The following SCEL variants were observed in gnomAD, a reference collection of about 807,000 sequenced individuals.
SCEL encodes the protein sciellin.
A neutral mutation model predicts 117.6 loss-of-function variants in SCEL; 113 were observed. The ratio of observed to expected loss-of-function variants is 0.96; its 90% CI spans 0.83 to 1.12. The LOEUF (loss-of-function observed/expected upper bound fraction) is 1.12. SCEL is among the 50% of genes most tolerant of loss of function. The pLI is 0.00. For synonymous variants in SCEL, 270 were observed against 256.2 expected (o/e 1.05, Z -0.51); for missense variants, 785 against 810.8 (o/e 0.97, Z 0.39).
At chr13:77,622,397 C>G (rs995750850) in intron 27 of SCEL, among the ~76,000 whole-genome samples, 1 of 152,090 alleles carries the variant, frequency 6.6e-6, no homozygotes, top group Non-Finnish European at 1.5e-5. Context: ...TCCTGGGTCC[C>G]CAGAATCTCT....
Position 77,568,281 on chromosome 13 carries a change from T to C in SCEL, c.360-14T>C. 1 of 1,542,640 alleles carries C rather than the reference T, an allele frequency of 6.5e-7. No individual in the cohort carries two copies. Among genetic ancestry groups the C allele is most frequent in the Non-Finnish European group, 8.9e-7 (1 of 1,125,140 alleles). On this transcript the variant is annotated splice_polypyrimidine_tract_variant and intron_variant, in intron 6 of 32. Coordinates refer to ENST00000349847, the MANE Select transcript of SCEL (RefSeq NM_144777.3). ...CTTCATTGTTCAAACTTTGCTTTCT[T>C]TCTCTCTTACCAGGAGCATGTCCAT...
At chr13:77,573,788 T>C (rs1196081475) in intron 9 of SCEL, among the ~76,000 whole-genome samples, 1 of 152,190 alleles carries the variant, frequency 6.6e-6, no homozygotes, top group Non-Finnish European at 1.5e-5. Flanking sequence ...CACATTTACC[T>C]ACTGCTACAA....
chr13:77,567,390 G>C (rs1266574701), intron 5 of SCEL, among the ~76,000 whole-genome samples: 1 of 152,186 alleles, frequency 6.6e-6, no homozygotes, highest in Non-Finnish European at 1.5e-5. Context: ...GCGGGCAGAG[G>C]TTGCAGTGAG....
intron 28 of SCEL, among the ~76,000 whole-genome samples, chr13:77,628,964 T>G (rs554674751): frequency 6.6e-6 from 1 of 152,328 alleles, no homozygotes; most frequent in South Asian, 2.1e-4. Context: ...TGTACTATTT[T>G]GGGAATAGGA....
intron 4 of SCEL, among the ~76,000 whole-genome samples, chr13:77,562,354 G>A (rs1401139569): frequency 6.6e-6 from 1 of 152,168 alleles, no homozygotes; most frequent in African/African-American, 2.4e-5. Flanking sequence ...ACACGATGGT[G>A]AACCACACCA....
In SCEL at chr13:77,597,543, A is replaced by G. The variant is rs768901899; in HGVS notation, c.753-2A>G. The G allele has an allele frequency of 6.7e-7, 1 of 1,492,346 alleles. No homozygotes were observed. The highest frequency in any genetic ancestry group is 9.1e-7 in the Non-Finnish European group (1 of 1,095,392). The allele number at this position is 1,492,346 out of a possible 1,614,324, so 92.4% of individuals were successfully genotyped here. On this transcript the variant is annotated splice_acceptor_variant, in intron 12 of 32. Transcript: ENST00000349847. LOFTEE classifies it high-confidence loss of function. ...GTTAAACATTTTTTTCTCTTCCCAA[A>G]GTGAAGAATTGGATAATCTCATCAA...
intron 27 of SCEL, among the ~76,000 whole-genome samples, chr13:77,627,107 A>G (rs1490902111): frequency 6.6e-6 from 1 of 152,176 alleles, no homozygotes; most frequent in Non-Finnish European, 1.5e-5. Flanking sequence ...TATTTATTCA[A>G]ATTTTGTGTT....
intron 1 of SCEL, among the ~76,000 whole-genome samples, chr13:77,542,776 G>A (rs2083775874): frequency 6.6e-6 from 1 of 152,146 alleles, no homozygotes; most frequent in Non-Finnish European, 1.5e-5. Flanking sequence ...GTAATTAGTT[G>A]TTTGATGGTT....
rs199947209 is a variant in SCEL, at chr13:77,591,509, A to G, written c.692+49A>G. 649 of 1,069,128 alleles carry G rather than the reference A, an allele frequency of 6.1e-4. 6 individuals are homozygous for G. The highest frequency in any genetic ancestry group is 5.6e-3 in the South Asian group (399 of 71,764). The allele number at this position is 1,069,128 out of a possible 1,614,324, so 66.2% of individuals were successfully genotyped here. ...TATGTAACTGTAGTAATGATAAAGT[A>G]TGCTTTCTCAGCACATTAAAAAATG... On this transcript the variant is annotated intron_variant, in intron 11 of 32. Coordinates refer to ENST00000349847, the MANE Select transcript of SCEL (RefSeq NM_144777.3).
chr13:77,639,052 T>A (rs187789539), intron 30 of SCEL, among the ~76,000 whole-genome samples: 1 of 152,266 alleles, frequency 6.6e-6, no homozygotes, highest in East Asian at 1.9e-4. Context: ...ACCCAAGCCC[T>A]GGAAACAATC....
chr13:77,567,791 T>C, intron 6 of SCEL, 43 bp downstream of exon 6: 4 of 1,269,362 alleles, frequency 3.2e-6, no homozygotes, highest in Non-Finnish European at 4.5e-6. Context: ...AAGTATAATA[T>C]TTTTCTAAGT....
chr13:77,583,661 G>A (rs892376623), intron 9 of SCEL, among the ~76,000 whole-genome samples: 1 of 152,122 alleles, frequency 6.6e-6, no homozygotes, highest in Admixed American at 6.5e-5. Flanking sequence ...GAAAAAACAA[G>A]GGATTTAACA....
chr13:77,541,818 T>C (rs2154393835), intron 1 of SCEL, among the ~76,000 whole-genome samples: 1 of 152,330 alleles, frequency 6.6e-6, no homozygotes, highest in South Asian at 2.1e-4. Flanking sequence ...TGTGTAAAAT[T>C]GGGATACAGA....
chr13:77,637,359 T>TATATACATATATAAAC, intron 30 of SCEL, among the ~76,000 whole-genome samples, 165 bp downstream of exon 30: 1 of 41,874 alleles, frequency 2.4e-5, no homozygotes, highest in Admixed American at 3.3e-4. Context: ...TATATAAACA[T>TATATACATATATAAAC]ATATACATAT....
chr13:77,621,288 G>A (rs747971363), intron 27 of SCEL, among the ~76,000 whole-genome samples: 3 of 152,066 alleles, frequency 2.0e-5, no homozygotes, highest in African/African-American at 4.8e-5. Context: ...AGCCCACCAC[G>A]ATCTGGCATC....
intron 1 of SCEL, among the ~76,000 whole-genome samples, chr13:77,538,814 A>G (rs2083548679): frequency 6.6e-6 from 1 of 152,210 alleles, no homozygotes; most frequent in South Asian, 2.1e-4. Flanking sequence ...AAATGTGATT[A>G]CGTATCCTTC....
At chr13:77,602,353 G>T in intron 16 of SCEL, 1 of 489,772 alleles carries the variant, frequency 2.0e-6, no homozygotes, top group Non-Finnish European at 3.6e-6. Context: ...CTCTTATTCC[G>T]TATTTTCTTA....
chr13:77,567,315 G>A (rs641376), intron 5 of SCEL, among the ~76,000 whole-genome samples: 31,746 of 152,064 alleles, frequency 0.21, 4,133 homozygotes, highest in African/African-American at 0.37. Flanking sequence ...TTAACTGGGC[G>A]TAGGGGTGCG....
At chr13:77,615,553 AT>A (rs1216124033) in intron 24 of SCEL, among the ~76,000 whole-genome samples, 4 of 152,154 alleles carry the variant, frequency 2.6e-5, no homozygotes, top group Non-Finnish European at 5.9e-5. Flanking sequence ...CATGAAAGTA[AT>A]AATAACCTAA....
Sources: gnomAD v4.1 joint callset for allele counts (sites outside exome capture counted in the v4.1 genomes callset) on GRCh38, gnomAD v4.1.1 for gene constraint, MANE v1.5 for transcripts, NCBI Gene and HGNC (gene_info 2026-07-23, HGNC 2026-07-21) for gene names.